Variants in MRNIP observed in about 807,000 individuals in gnomAD.
MRNIP encodes the protein MRN complex interacting protein.
In MRNIP, 30 loss-of-function variants were observed where a neutral mutation model predicts 29.8. That is an observed-to-expected ratio of 1.01 (90% CI 0.75 to 1.36). The LOEUF is 1.36. Among genes scored for constraint, MRNIP ranks in the 40% most tolerant of loss-of-function variants. The pLI is 0.00. For missense variants in MRNIP, 459 were observed against 423.5 expected (o/e 1.08, Z -0.74); for synonymous variants, 201 against 164.1 (o/e 1.23, Z -1.72).
chr5:179,841,812 G>A (rs1005739341), intron 5 of MRNIP, 95 bp downstream of exon 5: 114 of 1,358,460 alleles, frequency 8.4e-5, no homozygotes, highest in Middle Eastern at 8.0e-4. Context: ...TAGGCTTCCC[G>A]CGCTTGGCTG....
At chr5:179,854,628 CA>C (rs1372480305) in intron 1 of MRNIP, among the ~76,000 whole-genome samples, 1 of 151,042 alleles carries the variant, frequency 6.6e-6, no homozygotes, top group Non-Finnish European at 1.5e-5. Context: ...CAAATCCAAA[CA>C]AAACAAAACC....
rs769575617 is a variant in MRNIP, at chr5:179,853,452, C to T, written c.67-15G>A. The T allele has an allele frequency of 6.2e-7, 1 of 1,600,954 alleles. No individual in the cohort carries two copies. The highest frequency in any genetic ancestry group is 1.1e-5 in the South Asian group (1 of 90,782). The stretch of plus-strand genomic sequence containing the variant: ...CTCTTTTTTACCTGCAATGAAATTT[C>T]AGAAATACAACTCAGATAATTATTT... On this transcript the variant is annotated splice_polypyrimidine_tract_variant and intron_variant, in intron 1 of 6. Coordinates refer to ENST00000292586, the MANE Select transcript of MRNIP (RefSeq NM_016175.4).
intron 1 of MRNIP, among the ~76,000 whole-genome samples, chr5:179,855,905 TTG>T (rs1491373871): frequency 1.4e-5 from 2 of 139,618 alleles, no homozygotes; most frequent in East Asian, 2.1e-4. Flanking sequence ...GTAAGAAAAG[TTG>T]TTTTTTTTTT....
At chr5:179,847,899 G>C in intron 3 of MRNIP, 79 bp downstream of exon 3, 1 of 984,030 alleles carries the variant, frequency 1.0e-6, no homozygotes, top group Non-Finnish European at 1.6e-6. Flanking sequence ...CCCAGCTCAG[G>C]ATTTCCACTG....
chr5:179,848,417 A>G (rs1759218579), intron 2 of MRNIP, among the ~76,000 whole-genome samples: 1 of 152,254 alleles, frequency 6.6e-6, no homozygotes. Flanking sequence ...CATACTGCCA[A>G]AAAATATATG....
At chr5:179,851,356 G>A (rs1052580799) in intron 2 of MRNIP, 1 of 455,978 alleles carries the variant, frequency 2.2e-6, no homozygotes, top group African/African-American at 2.0e-5. Flanking sequence ...TTATAATTGA[G>A]ACTCAGCTCT....
At chr5:179,848,908 A>G (rs1759236902) in intron 2 of MRNIP, among the ~76,000 whole-genome samples, 1 of 152,230 alleles carries the variant, frequency 6.6e-6, no homozygotes, top group Non-Finnish European at 1.5e-5. Flanking sequence ...CAAAGAGGCC[A>G]GCATCGCTGG....
chr5:179,840,857 C>T lies in MRNIP; in HGVS notation c.537+15G>A, dbSNP rs371759442. The T allele has an allele frequency of 3.2e-6, 5 of 1,576,416 alleles. No homozygotes were observed. The highest frequency in any genetic ancestry group is 3.5e-6 in the Non-Finnish European group (4 of 1,149,032). On this transcript the variant is annotated intron_variant, in intron 6 of 6. Transcript: ENST00000292586. ...AGTGGTCACTGGGACCAGAGAGAAA[C>T]TGTTTGTCACTGACCTTCTGGGGTC...
intron 1 of MRNIP, among the ~76,000 whole-genome samples, chr5:179,855,458 A>G (rs1331232037): frequency 6.6e-6 from 1 of 152,190 alleles, no homozygotes; most frequent in Admixed American, 6.6e-5. Context: ...TTATCCGAAA[A>G]CCAACATAAT....
At chr5:179,846,379 A>T (rs1759130411) in intron 3 of MRNIP, among the ~76,000 whole-genome samples, 1 of 151,488 alleles carries the variant, frequency 6.6e-6, no homozygotes, top group African/African-American at 2.4e-5. Flanking sequence ...CGCCTCCCAG[A>T]TTCAAGCAAT....
intron 1 of MRNIP, among the ~76,000 whole-genome samples, chr5:179,857,602 A>G (rs1759648789): frequency 6.6e-6 from 1 of 152,248 alleles, no homozygotes; most frequent in South Asian, 2.1e-4. Context: ...CTCCCGAAAG[A>G]AAATAAGTAA....
chr5:179,845,856 C>T (rs569787977), intron 3 of MRNIP: 1 of 152,282 alleles, frequency 6.6e-6, no homozygotes, highest in South Asian at 2.1e-4. Flanking sequence ...TGTGGCTGCA[C>T]CATCTGTCAC....
chr5:179,847,940 C>G, intron 3 of MRNIP, 38 bp downstream of exon 3: 1 of 1,403,980 alleles, frequency 7.1e-7, no homozygotes, highest in Non-Finnish European at 1.0e-6. Flanking sequence ...AAGACGAAAA[C>G]AGGGCAAGAC....
At chr5:179,854,061 C>T (rs1759486544) in intron 1 of MRNIP, among the ~76,000 whole-genome samples, 1 of 147,220 alleles carries the variant, frequency 6.8e-6, no homozygotes, top group Admixed American at 6.9e-5. Context: ...GGCTCTGCTG[C>T]CCAGGCTGGA....
At chr5:179,848,210 G>T in intron 2 of MRNIP, 144 bp from the exon 3 acceptor site, 1 of 669,876 alleles carries the variant, frequency 1.5e-6, no homozygotes, top group Non-Finnish European at 2.7e-6. Context: ...GAATCCTAAT[G>T]ACTGACGGCT....
rs539676917 is a variant in MRNIP at position 179,845,391 on chromosome 5, T to G, written c.216-1164A>C. On this transcript the variant is annotated intron_variant, in intron 3 of 6. Coordinates refer to ENST00000292586, the MANE Select transcript of MRNIP (RefSeq NM_016175.4). ...CATGAACTCCTGACCTCAAGTGATC[T>G]GCCTGCCTTGGCCTCCCAAATTGCT... Among the ~76,000 whole-genome samples, 6 of 152,064 alleles carry G rather than the reference T, an allele frequency of 3.9e-5. No individual in the cohort carries two copies. In the East Asian group the frequency reaches 9.7e-4, roughly 25 times the overall value.
At chr5:179,846,471 C>T (rs778238157) in intron 3 of MRNIP, among the ~76,000 whole-genome samples, 8 of 151,856 alleles carry the variant, frequency 5.3e-5, no homozygotes, top group East Asian at 1.9e-4. Flanking sequence ...TTAGTAGAGA[C>T]GGGATTTCAT....
chr5:179,844,125 C>G, intron 4 of MRNIP, 27 bp downstream of exon 4: 1 of 1,603,598 alleles, frequency 6.2e-7, no homozygotes, highest in Non-Finnish European at 8.5e-7. Context: ...ACAGAGCCAG[C>G]CTGGGGCAGG....
chr5:179,857,943 G>T (rs1269421036), intron 1 of MRNIP, among the ~76,000 whole-genome samples: 1 of 151,014 alleles, frequency 6.6e-6, no homozygotes, highest in South Asian at 2.1e-4. Context: ...CCTGGGAGGC[G>T]GAGGTTGCGG....
Sources: allele counts gnomAD v4.1 joint callset (sites outside exome capture counted in the v4.1 genomes callset), GRCh38; gene constraint gnomAD v4.1.1; transcripts MANE v1.5; gene names NCBI Gene and HGNC (gene_info 2026-07-23, HGNC 2026-07-21).